ADARB2: variants seen among roughly 807,000 people sequenced by gnomAD.
ADARB2 encodes adenosine deaminase RNA specific B2 (inactive), also known as inactive double-stranded RNA-specific editase B2.
ADARB2 carries 25 observed loss-of-function variants against 62.2 expected under a neutral mutation model. The observed-to-expected ratio is 0.40, with a 90% confidence interval of 0.29 to 0.56. The LOEUF (loss-of-function observed/expected upper bound fraction) is 0.56. Ranked by LOEUF, ADARB2 falls within the 20% of genes least tolerant of loss-of-function variation. The probability of loss-of-function intolerance (pLI) is 0.43; values close to 1 mark genes in which losing one functional copy is unlikely to be tolerated. For synonymous variants in ADARB2, 572 were observed against 500.8 expected, an observed-to-expected ratio of 1.14 and a Z score of -1.90; for missense variants, 1,071 against 1,077.4, an observed-to-expected ratio of 0.99 and a Z score of 0.08.
intron 7 of ADARB2, among the ~76,000 whole-genome samples, chr10:1,214,151 C>T (rs1331048556): frequency 9.0e-6 from 1 of 111,002 alleles, no homozygotes; most frequent in Non-Finnish European, 1.9e-5. Context: ...CTGTGTCCAG[C>T]GTAGTGTAGG....
chr10:1,350,137 G>C lies in ADARB2; in HGVS notation c.1077+12891C>G, dbSNP rs546376048. On this transcript the variant is annotated intron_variant, in intron 3 of 9. Coordinates refer to ENST00000381312, the MANE Select transcript of ADARB2 (RefSeq NM_018702.4). ...TACAAACTTGACAATGGCTCTAAAT[G>C]ACCAGAAAACGGCACTTTCGATTTC... Among the ~76,000 whole-genome samples, 15 of 152,248 alleles carry C rather than the reference G, an allele frequency of 9.9e-5. 1 individual carries two copies. In the South Asian group the frequency reaches 3.1e-3, roughly 32 times the overall value.
rs555850905 is a variant in ADARB2, at chr10:1,467,350, G to A, written c.101-88190C>T. Among the ~76,000 whole-genome samples, 20 of 152,318 alleles carry A rather than the reference G, an allele frequency of 1.3e-4. No homozygotes were observed. In the East Asian group the frequency reaches 3.7e-3, roughly 28 times the overall value. On this transcript the variant is annotated intron_variant, in intron 1 of 9. Transcript: ENST00000381312. Reference sequence around the variant, plus strand: ...CTGGCAGAACCCAAGAAAAATTCCAGTTGGGTTTTCAAGAGCTAATTAAGC... The same window carrying A: ...CTGGCAGAACCCAAGAAAAATTCCAATTGGGTTTTCAAGAGCTAATTAAGC...
intron 3 of ADARB2, among the ~76,000 whole-genome samples, chr10:1,354,428 C>T (rs902322133): frequency 1.3e-5 from 2 of 151,160 alleles, no homozygotes; most frequent in African/African-American, 4.9e-5. Flanking sequence ...CCTTTACCTA[C>T]CCAAATCCTA....
chr10:1,353,489 A>G (rs559314394), intron 3 of ADARB2, among the ~76,000 whole-genome samples: 1 of 151,984 alleles, frequency 6.6e-6, no homozygotes, highest in Admixed American at 6.6e-5. Flanking sequence ...TGAAGAACTC[A>G]TTTACTTTCT....
chr10:1,330,912 A>G lies in ADARB2; in HGVS notation c.1077+32116T>C, dbSNP rs74469274. ...ATAATGGTATGATATACCCGAATACATAATAACATTTTATAACTCAGCAAT... is the reference window on the plus strand; with the variant it reads ...ATAATGGTATGATATACCCGAATACGTAATAACATTTTATAACTCAGCAAT... On this transcript the variant is annotated intron_variant, in intron 3 of 9. Transcript: ENST00000381312. 9.5e-3 allele frequency among the ~76,000 whole-genome samples: 1,454 copies of G among 152,364 alleles called. 26 individuals are homozygous for G. Among genetic ancestry groups the G allele is most frequent in the African/African-American group, 0.033 (1,392 of 41,572 alleles).
chr10:1,271,969 A>G (rs1349607874), intron 3 of ADARB2, among the ~76,000 whole-genome samples: 1 of 152,236 alleles, frequency 6.6e-6, no homozygotes, highest in African/African-American at 2.4e-5. Flanking sequence ...CAAGTGAATC[A>G]TCTTCATTTC....
intron 1 of ADARB2, among the ~76,000 whole-genome samples, chr10:1,430,028 C>T (rs1040671956): frequency 2.0e-5 from 3 of 152,132 alleles, no homozygotes; most frequent in African/African-American, 4.8e-5. Context: ...GAGTAAAAAT[C>T]GTGCTAAGTA....
intron 1 of ADARB2, among the ~76,000 whole-genome samples, chr10:1,416,863 A>G (rs1028911768): frequency 6.6e-6 from 1 of 152,220 alleles, no homozygotes; most frequent in Non-Finnish European, 1.5e-5. Context: ...GATGTGGGAG[A>G]GAGAAGGTGT....
At chr10:1,243,373 C>T (rs144892897) in intron 4 of ADARB2, among the ~76,000 whole-genome samples, 5 of 152,344 alleles carry the variant, frequency 3.3e-5, no homozygotes, top group South Asian at 2.1e-4. Context: ...ATTAATGTCA[C>T]GCCAGAAGCA....
At chr10:1,267,562 A>G (rs1831217306) in intron 4 of ADARB2, among the ~76,000 whole-genome samples, 1 of 152,204 alleles carries the variant, frequency 6.6e-6, no homozygotes, top group African/African-American at 2.4e-5. Flanking sequence ...CTTCCATAGA[A>G]GCCTCGTGAC....
intron 1 of ADARB2, among the ~76,000 whole-genome samples, chr10:1,473,425 C>T (rs554782429): frequency 2.6e-5 from 4 of 152,052 alleles, no homozygotes; most frequent in South Asian, 2.1e-4. Flanking sequence ...CTCTGTTGCT[C>T]GGGCTGGAGT....
intron 3 of ADARB2, among the ~76,000 whole-genome samples, chr10:1,271,647 C>CACACAT (rs1209825090): frequency 6.6e-6 from 1 of 152,190 alleles, no homozygotes; most frequent in Non-Finnish European, 1.5e-5. Context: ...CACACAGACA[C>CACACAT]ACACATACAC....
chr10:1,305,616 C>G (rs1215983199), intron 3 of ADARB2, among the ~76,000 whole-genome samples: 1 of 151,948 alleles, frequency 6.6e-6, no homozygotes, highest in Non-Finnish European at 1.5e-5. Context: ...GAATTTTAGA[C>G]CAATATCCTT....
chr10:1,564,604 A>G (rs1376753176), intron 1 of ADARB2, among the ~76,000 whole-genome samples: 1 of 152,202 alleles, frequency 6.6e-6, no homozygotes, highest in Non-Finnish European at 1.5e-5. Context: ...GGCAAAGGTC[A>G]TGAACAGACA....
intron 1 of ADARB2, among the ~76,000 whole-genome samples, chr10:1,705,922 A>G (rs1050270506): frequency 1.3e-5 from 2 of 152,194 alleles, no homozygotes; most frequent in Admixed American, 6.5e-5. Context: ...TCAGAAAGTG[A>G]CAAAACACTT....
At chr10:1,197,225 G>T (rs140023044) in intron 8 of ADARB2, among the ~76,000 whole-genome samples, 287 of 152,206 alleles carry the variant, frequency 1.9e-3, no homozygotes, top group Admixed American at 3.7e-3. Flanking sequence ...GAATTAAAGA[G>T]GTCTGATACT....
rs749260566 is a variant in ADARB2 at position 1,381,195 on chromosome 10, CAT to C, written c.101-2037_101-2036del. ...ATATACACACACACACACACACACA[CAT>C]ATATACTTAAAAACCTTATTCATGG... is the stretch of plus-strand genomic sequence containing the variant. On this transcript the variant is annotated intron_variant, in intron 1 of 9. Coordinates refer to ENST00000381312, the MANE Select transcript of ADARB2 (RefSeq NM_018702.4). Among the ~76,000 whole-genome samples, 1,233 of 124,150 alleles carry C rather than the reference CAT, an allele frequency of 9.9e-3. 16 individuals carry two copies. Among genetic ancestry groups the C allele is most frequent in the African/African-American group, 0.032 (1,161 of 35,764 alleles). The allele number at this position is 124,150 out of a possible 152,430, so 81.4% of individuals were successfully genotyped here.
intron 7 of ADARB2, among the ~76,000 whole-genome samples, chr10:1,211,812 C>G (rs1302270687): frequency 6.6e-6 from 1 of 152,188 alleles, no homozygotes; most frequent in Non-Finnish European, 1.5e-5. Flanking sequence ...TAAATAATTT[C>G]AAGAGCACAA....
intron 1 of ADARB2, among the ~76,000 whole-genome samples, chr10:1,391,473 CCCAA>C (rs1315838080): frequency 1.3e-5 from 2 of 152,164 alleles, no homozygotes; most frequent in African/African-American, 4.8e-5. Flanking sequence ...TTCTCACAGG[CCCAA>C]CCACACATGC....
Sources: gnomAD v4.1 joint callset for allele counts (sites outside exome capture counted in the v4.1 genomes callset) on GRCh38, gnomAD v4.1.1 for gene constraint, MANE v1.5 for transcripts, NCBI Gene and HGNC (gene_info 2026-07-23, HGNC 2026-07-21) for gene names.